The following GRIN2A variants were observed in gnomAD, a reference collection of about 807,000 sequenced individuals.
GRIN2A encodes glutamate ionotropic receptor NMDA type subunit 2A.
In GRIN2A, 22 loss-of-function variants were observed where a neutral mutation model predicts 113.4. That is an observed-to-expected ratio of 0.19 (90% CI 0.14 to 0.28). The LOEUF is 0.28. Among genes scored for constraint, GRIN2A ranks in the 10% least tolerant of loss-of-function variants. GRIN2A has a pLI of 1.00. For missense variants in GRIN2A, 1,502 were observed against 1,887.0 expected (o/e 0.80, Z 3.78); for synonymous variants, 827 against 738.4 (o/e 1.12, Z -1.94).
chr16:9,875,175 A>G (rs867994977), intron 4 of GRIN2A, among the ~76,000 whole-genome samples: 1 of 151,926 alleles, frequency 6.6e-6, no homozygotes, highest in Admixed American at 6.5e-5. Context: ...CTCTTAAAAA[A>G]GGGTGTGTGG....
chr16:9,937,833 C>T (rs1181170486), intron 3 of GRIN2A, 126 bp downstream of exon 3: 4 of 715,484 alleles, frequency 5.6e-6, no homozygotes, highest in Non-Finnish European at 1.0e-5. Context: ...AATAAAAGTC[C>T]CGTAAGTAAA....
intron 9 of GRIN2A, among the ~76,000 whole-genome samples, chr16:9,827,194 A>G (rs1455256283): frequency 2.0e-5 from 3 of 152,286 alleles, no homozygotes; most frequent in Non-Finnish European, 4.4e-5. Flanking sequence ...ACATGGCTTT[A>G]AAAACATTAT....
intron 3 of GRIN2A, among the ~76,000 whole-genome samples, chr16:9,923,798 T>A (rs2044401506): frequency 6.6e-6 from 1 of 152,138 alleles, no homozygotes; most frequent in Non-Finnish European, 1.5e-5. Context: ...GTTTTAAAAG[T>A]AATTTATCTT....
chr16:9,936,013 A>G (rs1035839120), intron 3 of GRIN2A, among the ~76,000 whole-genome samples: 2 of 152,080 alleles, frequency 1.3e-5, no homozygotes, highest in African/African-American at 4.8e-5. Context: ...GCTGACTGTA[A>G]TTTCTGATGA....
chr16:10,105,415 G>GTC lies in GRIN2A; in HGVS notation c.414+74581_414+74582dup, dbSNP rs2048478888. Among the ~76,000 whole-genome samples, 4 of 152,094 alleles carry GTC rather than the reference G, an allele frequency of 2.6e-5. No homozygotes were observed. In the South Asian group the frequency reaches 8.3e-4, roughly 32 times the overall value. On this transcript the variant is annotated intron_variant, in intron 2 of 12. Transcript: ENST00000330684. ...TGTGGACTTTTGAGGTGTTGCCTGG[G>GTC]TCTCCTGGGCAGTAGAATCAGCTGA... is the stretch of plus-strand genomic sequence containing the variant.
At position 9,761,253 on chromosome 16, in the gene GRIN2A, C is replaced by A. The variant is rs1480722035; in HGVS notation, c.*1896G>T. ...AGCTTTAAGGGAATCATCCCTGACACTTGCCCACATGCAAGAAAATAATAC... is the reference window on the plus strand; with the variant it reads ...AGCTTTAAGGGAATCATCCCTGACAATTGCCCACATGCAAGAAAATAATAC... On this transcript the variant is annotated 3_prime_UTR_variant, in exon 13 of 13. Transcript: ENST00000330684. 1 of 230,740 alleles carries A rather than the reference C, an allele frequency of 4.3e-6. No homozygotes were observed. Among genetic ancestry groups the A allele is most frequent in the Non-Finnish European group, 8.6e-6 (1 of 116,538 alleles). 14.3% of individuals were successfully genotyped at this position (230,740 alleles called of 1,614,324 possible). A position where few individuals can be genotyped will look rare whatever the true frequency, so the allele number is the denominator to read the frequency against.
intron 5 of GRIN2A, among the ~76,000 whole-genome samples, chr16:9,848,668 A>AC (rs2042821709): frequency 6.9e-6 from 1 of 144,972 alleles, no homozygotes; most frequent in African/African-American, 2.5e-5. Context: ...TACATAAAAT[A>AC]TATGTTTTAT....
At position 10,149,641 on chromosome 16, in the gene GRIN2A, A is replaced by G. The variant is rs561808382; in HGVS notation, c.414+30357T>C. Among the ~76,000 whole-genome samples the G allele has an allele frequency of 1.1e-4, 17 of 152,060 alleles. No individual in the cohort carries two copies. The East Asian group carries it at 2.7e-3, about 24-fold the overall frequency. On this transcript the variant is annotated intron_variant, in intron 2 of 12. Transcript: ENST00000330684. ...CATCCCCAAACTGGTCAGTTTCACC[A>G]CCTCCACCAGTACCTCCTCACCCAA...
At chr16:9,835,632 G>T (rs1260023928) in intron 7 of GRIN2A, among the ~76,000 whole-genome samples, 2 of 152,008 alleles carry the variant, frequency 1.3e-5, no homozygotes, top group Non-Finnish European at 1.5e-5. Context: ...ATTTTCTGAG[G>T]GTTAAAATAA....
intron 10 of GRIN2A, chr16:9,805,506 G>A (rs2041948844): frequency 6.6e-6 from 1 of 152,092 alleles, no homozygotes; most frequent in East Asian, 1.9e-4. Context: ...CCAGGAAGAG[G>A]AACACATTAG....
chr16:9,826,154 T>A (rs2042383672), intron 9 of GRIN2A, among the ~76,000 whole-genome samples: 1 of 152,250 alleles, frequency 6.6e-6, no homozygotes, highest in South Asian at 2.1e-4. Flanking sequence ...TCTTCTCTTT[T>A]ATAGGAAATT....
rs907557216 is a variant in GRIN2A at position 9,760,413 on chromosome 16, C to T, written c.*2736G>A. The T allele has an allele frequency of 8.3e-6, 1 of 120,140 alleles. No homozygotes were observed. Among genetic ancestry groups the T allele is most frequent in the African/African-American group, 3.4e-5 (1 of 29,060 alleles). The allele number at this position is 120,140 out of a possible 1,614,324, so 7.4% of individuals were successfully genotyped here. A position where few individuals can be genotyped will look rare whatever the true frequency, so the allele number is the denominator to read the frequency against. On this transcript the variant is annotated 3_prime_UTR_variant, in exon 13 of 13. Transcript: ENST00000330684. ...TTTTTTTTTTTGCTTGGGATCATCA[C>T]ATTGAAGAGTCATTGAATTAGTAGA...
chr16:9,890,014 T>C (rs180702860), intron 4 of GRIN2A, among the ~76,000 whole-genome samples: 2 of 152,320 alleles, frequency 1.3e-5, no homozygotes, highest in East Asian at 3.9e-4. Flanking sequence ...CCAGAGTCAA[T>C]GCTTCTGTTT....
chr16:10,105,135 G>A (rs1046596419), intron 2 of GRIN2A, among the ~76,000 whole-genome samples: 1 of 130,664 alleles, frequency 7.7e-6, no homozygotes, highest in Non-Finnish European at 1.6e-5. Context: ...CTTCTCTAGA[G>A]ATGGAAGCCT....
intron 10 of GRIN2A, among the ~76,000 whole-genome samples, chr16:9,807,435 GAC>G (rs2042004508): frequency 1.5e-5 from 1 of 68,202 alleles, no homozygotes; most frequent in Non-Finnish European, 3.2e-5. Flanking sequence ...GAGAAAGAGA[GAC>G]AGAGACAGAG....
At chr16:9,843,265 C>T (rs901016808) in intron 5 of GRIN2A, among the ~76,000 whole-genome samples, 6 of 152,158 alleles carry the variant, frequency 3.9e-5, no homozygotes, top group East Asian at 3.9e-4. Flanking sequence ...CACACACACA[C>T]GCATCAAACA....
intron 2 of GRIN2A, among the ~76,000 whole-genome samples, chr16:10,117,451 G>T (rs773426189): frequency 6.6e-6 from 1 of 151,598 alleles, no homozygotes; most frequent in South Asian, 2.1e-4. Flanking sequence ...GAGTATAGGA[G>T]AGTTATCTCT....
chr16:9,937,173 G>C (rs900784935), intron 3 of GRIN2A, among the ~76,000 whole-genome samples: 3 of 152,006 alleles, frequency 2.0e-5, no homozygotes, highest in African/African-American at 7.2e-5. Flanking sequence ...TTGTATGCCT[G>C]TACCAAAATA....
intron 2 of GRIN2A, among the ~76,000 whole-genome samples, chr16:10,117,167 A>T (rs574268721): frequency 2.0e-5 from 3 of 152,216 alleles, no homozygotes; most frequent in South Asian, 4.2e-4. Flanking sequence ...TTCTGCTGCC[A>T]CACAGTTGGC....
Sources: gnomAD v4.1 joint callset for allele counts (sites outside exome capture counted in the v4.1 genomes callset) on GRCh38, gnomAD v4.1.1 for gene constraint, MANE v1.5 for transcripts, NCBI Gene and HGNC (gene_info 2026-07-23, HGNC 2026-07-21) for gene names.